Variants in AUTS2 observed in about 807,000 individuals in gnomAD.
The protein encoded by AUTS2 is autism susceptibility gene 2 protein.
AUTS2 carries 17 observed loss-of-function variants against 112.4 expected under a neutral mutation model. The ratio of observed to expected loss-of-function variants is 0.15; its 90% CI spans 0.10 to 0.23. The LOEUF is 0.23. AUTS2 is among the 10% of genes least tolerant of loss of function. The pLI, the probability that AUTS2 is intolerant of heterozygous loss-of-function variation, is 1.00. For missense variants in AUTS2, 1,510 were observed against 1,701.6 expected, an observed-to-expected ratio of 0.89 and a Z score of 1.98; for synonymous variants, 751 against 702.7, an observed-to-expected ratio of 1.07 and a Z score of -1.09.
rs1788540416 is a variant in AUTS2, at chr7:69,768,823, G to C, written c.310-130463G>C. Among the ~76,000 whole-genome samples, 3 of 152,324 alleles carry C rather than the reference G, an allele frequency of 2.0e-5. No individual in the cohort carries two copies. The South Asian group carries it at 6.2e-4, about 32-fold the overall frequency. On this transcript the variant is annotated intron_variant, in intron 1 of 18. Coordinates refer to ENST00000342771, the MANE Select transcript of AUTS2 (RefSeq NM_015570.4). ...CAGAGAAGACGGGCTCCTGCAAGGA[G>C]GGGCCTGGGTTTTAGATAGCCTCCA...
intron 4 of AUTS2, among the ~76,000 whole-genome samples, chr7:70,357,486 A>G (rs1562905226): frequency 6.6e-6 from 1 of 151,916 alleles, no homozygotes; most frequent in Non-Finnish European, 1.5e-5. Context: ...TCATAGTTGA[A>G]CTCCTGAGGT....
intron 1 of AUTS2, among the ~76,000 whole-genome samples, chr7:69,795,660 G>A (rs1419478557): frequency 6.6e-6 from 1 of 152,216 alleles, no homozygotes; most frequent in African/African-American, 2.4e-5. Flanking sequence ...TGAGCAGTTG[G>A]ATGCGAAAGG....
chr7:70,507,606 G>A (rs1463322848), intron 5 of AUTS2, among the ~76,000 whole-genome samples: 2 of 151,982 alleles, frequency 1.3e-5, no homozygotes, highest in South Asian at 2.1e-4. Flanking sequence ...AGACCAGCCT[G>A]ACCAACATGG....
At chr7:70,609,901 A>G (rs1479434028) in intron 5 of AUTS2, among the ~76,000 whole-genome samples, 1 of 152,044 alleles carries the variant, frequency 6.6e-6, no homozygotes, top group East Asian at 1.9e-4. Context: ...TATTGATCTT[A>G]TTTCCTTTGG....
chr7:70,631,085 G>C lies in AUTS2; in HGVS notation c.691-67484G>C, dbSNP rs1805233240. Among the ~76,000 whole-genome samples the C allele has an allele frequency of 6.6e-6, 1 of 152,162 alleles. No individual in the cohort carries two copies. Among genetic ancestry groups the C allele is most frequent in the Non-Finnish European group, 1.5e-5 (1 of 68,028 alleles). On this transcript the variant is annotated intron_variant, in intron 5 of 18. Transcript: ENST00000342771. This position sits in a 1 kb window ranked among gnomAD's most constrained non-coding sequence, Gnocchi z 4.5. Reference sequence around the variant, plus strand: ...ATTGCTCAGTCTGTCAGAATGGGCTGCTTCCCTCAGCAGCAGCCACAGCCA... The same window carrying C: ...ATTGCTCAGTCTGTCAGAATGGGCTCCTTCCCTCAGCAGCAGCCACAGCCA...
intron 4 of AUTS2, among the ~76,000 whole-genome samples, chr7:70,231,780 TG>T (rs1812069137): frequency 6.7e-6 from 1 of 148,900 alleles, no homozygotes; most frequent in African/African-American, 2.5e-5. Flanking sequence ...TTGTTTGTTT[TG>T]TTTTTTTTCT....
At chr7:70,457,366 G>A (rs563164528) in intron 5 of AUTS2, among the ~76,000 whole-genome samples, 3 of 152,098 alleles carry the variant, frequency 2.0e-5, no homozygotes, top group East Asian at 1.9e-4. Flanking sequence ...AGTGATCACC[G>A]AGGATCATGA....
rs1799352741 is a variant in AUTS2, at chr7:70,003,622, G to A, written c.522+104124G>A. On this transcript the variant is annotated intron_variant, in intron 2 of 18. Transcript: ENST00000342771. The stretch of plus-strand genomic sequence containing the variant: ...TGTTATATATGAATGTGTTATATAT[G>A]AGTATCTATAATATATATGAATGTG... 3.5e-5 allele frequency among the ~76,000 whole-genome samples: 4 copies of A among 114,118 alleles called. 1 individual carries two copies. Among genetic ancestry groups the A allele is most frequent in the African/African-American group, 3.7e-5 (1 of 27,330 alleles). 74.9% of individuals were successfully genotyped at this position (114,118 alleles called of 152,430 possible).
chr7:70,430,828 C>CTTTTTTTTTT (rs745358887), intron 4 of AUTS2, among the ~76,000 whole-genome samples: 5 of 94,498 alleles, frequency 5.3e-5, no homozygotes, highest in African/African-American at 2.2e-4. Context: ...GCAGTGTCGC[C>CTTTTTTTTTT]TTTTTTTTTT....
chr7:70,580,175 G>A (rs1010101552), intron 5 of AUTS2, among the ~76,000 whole-genome samples: 4 of 152,156 alleles, frequency 2.6e-5, no homozygotes, highest in Non-Finnish European at 5.9e-5. Context: ...TAGAGTGGAC[G>A]TACTAGACGG....
intron 1 of AUTS2, among the ~76,000 whole-genome samples, chr7:69,848,811 T>C (rs994628554): frequency 6.6e-6 from 1 of 152,136 alleles, no homozygotes; most frequent in African/African-American, 2.4e-5. Context: ...GTCTGCACAA[T>C]TGAGTTAGCC....
intron 6 of AUTS2, among the ~76,000 whole-genome samples, chr7:70,706,170 A>G (rs764985036): frequency 2.0e-5 from 3 of 152,202 alleles, no homozygotes; most frequent in Non-Finnish European, 4.4e-5. Flanking sequence ...TCCTACAACA[A>G]CAAAAGTCTT....
chr7:70,542,628 A>G (rs1450640095), intron 5 of AUTS2, among the ~76,000 whole-genome samples: 1 of 152,124 alleles, frequency 6.6e-6, no homozygotes, highest in Non-Finnish European at 1.5e-5. Context: ...CTTTATGGTT[A>G]ACAGAGCCCC....
chr7:69,798,033 A>C (rs1224202693), intron 1 of AUTS2, among the ~76,000 whole-genome samples: 3 of 151,928 alleles, frequency 2.0e-5, no homozygotes, highest in African/African-American at 7.2e-5. Context: ...TTTTTTTTTA[A>C]TCCATGAAAT....
At chr7:69,678,148 G>A (rs1796640960) in intron 1 of AUTS2, among the ~76,000 whole-genome samples, 1 of 151,966 alleles carries the variant, frequency 6.6e-6, no homozygotes, top group Admixed American at 6.6e-5. Context: ...CATCTGAAAG[G>A]CCAGTATTCT....
intron 5 of AUTS2, among the ~76,000 whole-genome samples, chr7:70,439,568 A>T (rs985568910): frequency 1.3e-5 from 2 of 151,466 alleles, no homozygotes; most frequent in South Asian, 2.1e-4. Flanking sequence ...AAAAGATAGA[A>T]ATTGGGTGGG....
At chr7:70,332,534 G>A (rs1334594878) in intron 4 of AUTS2, among the ~76,000 whole-genome samples, 1 of 152,158 alleles carries the variant, frequency 6.6e-6, no homozygotes, top group East Asian at 1.9e-4. Flanking sequence ...AACAAAGCTG[G>A]AGGCGTCATG....
chr7:69,614,620 G>T (rs1442608817), intron 1 of AUTS2, among the ~76,000 whole-genome samples: 1 of 151,960 alleles, frequency 6.6e-6, no homozygotes, highest in Non-Finnish European at 1.5e-5. Context: ...AGGTAGCTGG[G>T]ACTGCAGGTG....
intron 4 of AUTS2, among the ~76,000 whole-genome samples, chr7:70,379,046 T>C (rs1055004742): frequency 1.3e-5 from 2 of 151,432 alleles, no homozygotes; most frequent in Admixed American, 6.6e-5. Flanking sequence ...ATTTCATGGC[T>C]TTTTTTTTAA....
Sources: gnomAD v4.1 joint callset for allele counts (sites outside exome capture counted in the v4.1 genomes callset) on GRCh38, gnomAD v4.1.1 for gene constraint, Gnocchi (gnomAD v3.1) non-coding constraint, MANE v1.5 for transcripts, NCBI Gene and HGNC (gene_info 2026-07-23, HGNC 2026-07-21) for gene names.